Variants in HTR3B observed in about 807,000 individuals in gnomAD.
HTR3B encodes 5-hydroxytryptamine receptor 3B.
In HTR3B, 44 loss-of-function variants were observed where a neutral mutation model predicts 42.8. The ratio of observed to expected loss-of-function variants is 1.03; its 90% confidence interval spans 0.81 to 1.32. The LOEUF (loss-of-function observed/expected upper bound fraction) is 1.32. HTR3B is among the 40% of genes most tolerant of loss of function. The probability of loss-of-function intolerance (pLI) is 0.00; values close to 1 mark genes in which losing one functional copy is unlikely to be tolerated. For synonymous variants in HTR3B, 203 were observed against 209.0 expected (o/e 0.97, Z 0.25); for missense variants, 527 against 536.5 (o/e 0.98, Z 0.17).
chr11:113,913,273 T>A (rs1425955023), intron 2 of HTR3B, among the ~76,000 whole-genome samples: 2 of 148,460 alleles, frequency 1.3e-5, no homozygotes, highest in Non-Finnish European at 3.0e-5. Flanking sequence ...AGCCGCCGCC[T>A]CCAGGGTTCA....
chr11:113,934,569 G>A (rs954849601), intron 6 of HTR3B, among the ~76,000 whole-genome samples: 4 of 152,050 alleles, frequency 2.6e-5, no homozygotes, highest in African/African-American at 9.7e-5. Context: ...GTTAAATCTG[G>A]GCCTCTTAGA....
At chr11:113,939,299 C>G (rs560175264) in intron 6 of HTR3B, among the ~76,000 whole-genome samples, 1 of 152,296 alleles carries the variant, frequency 6.6e-6, no homozygotes, top group East Asian at 1.9e-4. Context: ...CTGTTGACAT[C>G]CAGTGAGGAC....
At chr11:113,939,291 GT>G (rs1334366388) in intron 6 of HTR3B, among the ~76,000 whole-genome samples, 1 of 152,172 alleles carries the variant, frequency 6.6e-6, no homozygotes, top group African/African-American at 2.4e-5. Context: ...TTCATTTACT[GT>G]TGACATCCAG....
chr11:113,905,060 G>C, intron 1 of HTR3B, 75 bp downstream of exon 1: 2 of 1,015,762 alleles, frequency 2.0e-6, no homozygotes, highest in South Asian at 2.7e-5. Context: ...TGTATACACC[G>C]TACTGTAGGA....
chr11:113,924,487 C>T (rs1949948454), intron 2 of HTR3B, among the ~76,000 whole-genome samples: 1 of 152,006 alleles, frequency 6.6e-6, no homozygotes, highest in Non-Finnish European at 1.5e-5. Flanking sequence ...TAGCTAGGCA[C>T]GGTGTTGCAC....
intron 2 of HTR3B, among the ~76,000 whole-genome samples, chr11:113,919,467 G>A: frequency 6.6e-6 from 1 of 152,130 alleles, no homozygotes; most frequent in East Asian, 1.9e-4. Context: ...GTGAATCAGA[G>A]TCTTTGATTT....
In HTR3B at chr11:113,932,345, C is replaced by G. The variant is rs1199039817; in HGVS notation, c.425C>G (p.Thr142Ser). 1 of 1,613,368 alleles carries G rather than the reference C, an allele frequency of 6.2e-7. No homozygotes were observed. The highest frequency in any genetic ancestry group is 2.2e-5 in the East Asian group (1 of 44,868). Residue 142 changes from threonine (T) to serine (S), a missense_variant, in exon 5 of 9, where the codon ACC (threonine) becomes AGC (serine). Physicochemically the swap from Thr to Ser is moderately conservative, Grantham distance 58. Transcript: ENST00000260191. The stretch of plus-strand genomic sequence containing the variant: ...TATGTTTATGTGAACTCATCTGGGA[C>G]CATTGAGAACTATAAGCCCATCCAG... ...LPYVYVNSSG[T>S]IENYKPIQVV...
At position 113,904,913 on chromosome 11, in the gene HTR3B, CT is replaced by C; in HGVS notation, c.-16del. 6.2e-7 allele frequency: 1 copy of C among 1,610,944 alleles called. No homozygotes were observed. Among genetic ancestry groups the C allele is most frequent in the Non-Finnish European group, 8.5e-7 (1 of 1,177,242 alleles). ...TCTGGTAGGCAAGTTTGCATTTCTC[CT>C]TTTTGGGATCTGCCCAGGAATGTTG... is the stretch of plus-strand genomic sequence containing the variant. On this transcript the variant is annotated 5_prime_UTR_variant, in exon 1 of 9. Transcript: ENST00000260191.
chr11:113,933,441 C>G (rs1164922002), intron 6 of HTR3B, among the ~76,000 whole-genome samples: 3 of 152,226 alleles, frequency 2.0e-5, no homozygotes. Context: ...CCACACACAA[C>G]AACAACAAAT....
At chr11:113,920,387 G>GT (rs71301683) in intron 2 of HTR3B, among the ~76,000 whole-genome samples, 44,002 of 150,496 alleles carry the variant, frequency 0.29, 6,571 homozygotes, top group South Asian at 0.38. Flanking sequence ...TTGTTTGTTT[G>GT]TTTTTTGAGA....
intron 2 of HTR3B, among the ~76,000 whole-genome samples, chr11:113,912,461 T>C (rs1331777090): frequency 6.6e-6 from 1 of 152,180 alleles, no homozygotes; most frequent in African/African-American, 2.4e-5. Context: ...GCCAGGATGG[T>C]CTCGATCTCC....
intron 2 of HTR3B, among the ~76,000 whole-genome samples, chr11:113,910,094 A>G (rs1274455266): frequency 6.6e-6 from 1 of 151,980 alleles, no homozygotes; most frequent in Non-Finnish European, 1.5e-5. Context: ...TATGGTTCAC[A>G]TTTATTATGA....
rs1950200457 is a variant in HTR3B at position 113,948,982 on chromosome 11, T to C, written c.*2845T>C. On this transcript the variant is annotated 3_prime_UTR_variant, in exon 9 of 9. Transcript: ENST00000260191. ...CACGTGTATACATATGTAACAAACC[T>C]GCACGTTGTGCACATGTACCCTAAA... Among the ~76,000 whole-genome samples the C allele has an allele frequency of 6.6e-6, 1 of 152,208 alleles. No individual in the cohort carries two copies. The highest frequency in any genetic ancestry group is 1.9e-4 in the East Asian group (1 of 5,198).
chr11:113,932,704 G>T (rs935906368), intron 5 of HTR3B, among the ~76,000 whole-genome samples: 17 of 152,282 alleles, frequency 1.1e-4, no homozygotes, highest in Middle Eastern at 3.4e-3. Context: ...TCGCAGGCAA[G>T]CTCCATCATT....
the HTR3B span, among the ~76,000 whole-genome samples, chr11:113,899,273 G>A: frequency 6.6e-6 from 1 of 152,146 alleles, no homozygotes; most frequent in South Asian, 2.1e-4. Flanking sequence ...GAGGAAAATC[G>A]AATGCTGAGT....
chr11:113,912,387 G>A (rs761803387), intron 2 of HTR3B, among the ~76,000 whole-genome samples: 4 of 152,176 alleles, frequency 2.6e-5, no homozygotes, highest in Non-Finnish European at 5.9e-5. Context: ...GGGACTACAG[G>A]CGTGTGCCAC....
At chr11:113,926,551 CAG>C (rs1020100234) in intron 2 of HTR3B, among the ~76,000 whole-genome samples, 6 of 101,738 alleles carry the variant, frequency 5.9e-5, no homozygotes, top group African/African-American at 2.3e-4. Flanking sequence ...CTTTTTCAGA[CAG>C]AGTCTCACTC....
chr11:113,945,959 C>T lies in HTR3B; in HGVS notation c.1148C>T (p.Ser383Leu), dbSNP rs139764117. 2.9e-5 allele frequency: 47 copies of T among 1,613,986 alleles called. 1 individual carries two copies. Among genetic ancestry groups the T allele is most frequent in the Non-Finnish European group, 3.6e-5 (42 of 1,180,032 alleles). The change falls in exon 9 of 9, where the codon TCG becomes TTG. Residue 383 changes from serine to leucine, a missense_variant. Physicochemically the swap from Ser to Leu is moderately radical, Grantham distance 145 (BLOSUM62 -2). Coordinates refer to ENST00000260191, the MANE Select transcript of HTR3B (RefSeq NM_006028.5). ...CCAGGAACCCTGAAGGAAGTCTGGT[C>T]GCAGCTTCAATCTATCAGCAACTAC... Reference protein sequence around the residue: ...AQPGTLKEVWSQLQSISNYLQ... With the variant: ...AQPGTLKEVWLQLQSISNYLQ...
intron 2 of HTR3B, among the ~76,000 whole-genome samples, chr11:113,919,346 C>T (rs911569455): frequency 6.6e-6 from 1 of 152,042 alleles, no homozygotes; most frequent in Non-Finnish European, 1.5e-5. Context: ...ACAAAATATA[C>T]CCACAAAATG....
Sources: gnomAD v4.1 joint callset for allele counts (sites outside exome capture counted in the v4.1 genomes callset) on GRCh38, gnomAD v4.1.1 for gene constraint, MANE v1.5 for transcripts, NCBI Gene and HGNC (gene_info 2026-07-23, HGNC 2026-07-21) for gene names.